The following PARVB variants were observed in gnomAD, a reference collection of about 807,000 sequenced individuals.
PARVB encodes beta-parvin.
In PARVB, 46 loss-of-function variants were observed where a neutral mutation model predicts 47.0. The ratio of observed to expected loss-of-function variants is 0.98; its 90% CI spans 0.77 to 1.25. PARVB has a LOEUF of 1.25. Among genes scored for constraint, PARVB ranks in the 50% most tolerant of loss-of-function variants. The pLI, the probability that PARVB is intolerant of heterozygous loss-of-function variation, is 0.00. For synonymous variants in PARVB, 196 were observed against 196.3 expected (o/e 1.00, Z 0.01); for missense variants, 473 against 471.6 (o/e 1.00, Z -0.03).
intron 3 of PARVB, chr22:44,106,065 A>AGT (rs2052559743): frequency 6.6e-6 from 1 of 151,350 alleles, no homozygotes; most frequent in Admixed American, 6.6e-5. Flanking sequence ...CCTGACCTCA[A>AGT]GTGATCTGCC....
intron 3 of PARVB, 55 bp downstream of exon 3, chr22:44,100,178 G>C (rs1887451576): frequency 7.2e-7 from 1 of 1,389,012 alleles, no homozygotes; most frequent in Non-Finnish European, 1.0e-6. Flanking sequence ...ACTTGGCTTT[G>C]GGGTTCAGGG....
chr22:44,115,781 TAGTA>T (rs1368186974), intron 3 of PARVB: 13 of 55,540 alleles, frequency 2.3e-4, no homozygotes, highest in African/African-American at 1.0e-3. Context: ...GATACATTGT[TAGTA>T]ACTAAGGCCC....
At chr22:44,042,677 G>A (rs951492105) in intron 1 of PARVB, among the ~76,000 whole-genome samples, 2 of 152,206 alleles carry the variant, frequency 1.3e-5, no homozygotes, top group African/African-American at 4.8e-5. Context: ...TTGAAATTTT[G>A]TTGGAGCAGC....
At chr22:44,157,576 G>T (rs1275524664) in intron 10 of PARVB, among the ~76,000 whole-genome samples, 3 of 152,102 alleles carry the variant, frequency 2.0e-5, no homozygotes, top group African/African-American at 7.2e-5. Context: ...GGGATGGATT[G>T]CTTTACTTTA....
chr22:44,058,794 A>G (rs1359907049), intron 1 of PARVB, among the ~76,000 whole-genome samples: 1 of 151,958 alleles, frequency 6.6e-6, no homozygotes, highest in Non-Finnish European at 1.5e-5. Context: ...AGCTCAGGCA[A>G]TCCACCTGCC....
intron 8 of PARVB, chr22:44,147,555 G>C: frequency 2.1e-6 from 1 of 486,036 alleles, no homozygotes; most frequent in South Asian, 1.8e-5. Context: ...GACGTGGCAG[G>C]TGCAGATGCC....
intron 6 of PARVB, among the ~76,000 whole-genome samples, chr22:44,135,755 C>T (rs1018874264): frequency 1.3e-5 from 2 of 152,218 alleles, no homozygotes; most frequent in East Asian, 1.9e-4. Flanking sequence ...GTCTCCTCCT[C>T]TAGGGGAGGG....
intron 2 of PARVB, among the ~76,000 whole-genome samples, chr22:44,010,115 T>C (rs1214837314): frequency 6.6e-6 from 1 of 152,112 alleles, no homozygotes; most frequent in East Asian, 1.9e-4. Context: ...CCCATATGAA[T>C]CTTTAAAATT....
At chr22:44,020,060 G>C (rs1359728918), upstream of PARVB, among the ~76,000 whole-genome samples, 1 of 152,138 alleles carries the variant, frequency 6.6e-6, no homozygotes, top group Non-Finnish European at 1.5e-5. Context: ...TCGGCACTCA[G>C]TTCTGCAGCG....
chr22:44,085,993 A>G (rs2052015209), intron 1 of PARVB, among the ~76,000 whole-genome samples: 1 of 152,132 alleles, frequency 6.6e-6, no homozygotes, highest in Non-Finnish European at 1.5e-5. Context: ...AACTTATTTC[A>G]TCTTGAGAAA....
At chr22:44,097,454 G>A (rs1034159101) in intron 2 of PARVB, among the ~76,000 whole-genome samples, 2 of 152,216 alleles carry the variant, frequency 1.3e-5, no homozygotes, top group East Asian at 1.9e-4. Flanking sequence ...CATGTCCAGG[G>A]TCCCCGGTCA....
At chr22:44,022,456 G>A (rs1313787236), upstream of PARVB, among the ~76,000 whole-genome samples, 1 of 152,104 alleles carries the variant, frequency 6.6e-6, no homozygotes, top group African/African-American at 2.4e-5. Flanking sequence ...ACTGTGTCCT[G>A]TGCCCACGTT....
At chr22:44,065,476 T>C (rs954042118) in intron 1 of PARVB, among the ~76,000 whole-genome samples, 2 of 152,134 alleles carry the variant, frequency 1.3e-5, no homozygotes, top group Non-Finnish European at 2.9e-5. Flanking sequence ...TTCTTATTTC[T>C]TTATTGTTTA....
At chr22:44,035,368 CTTTTTTTTTT>C (rs57745730) in intron 1 of PARVB, among the ~76,000 whole-genome samples, 3 of 118,040 alleles carry the variant, frequency 2.5e-5, no homozygotes, top group Admixed American at 9.2e-5. Flanking sequence ...TTTCTTTTTC[CTTTTTTTTTT>C]TTTTTTTTTT....
At chr22:44,052,443 C>T (rs753575236) in intron 1 of PARVB, among the ~76,000 whole-genome samples, 21 of 152,166 alleles carry the variant, frequency 1.4e-4, no homozygotes, top group Non-Finnish European at 2.8e-4. Context: ...TGCTAACTTC[C>T]CACCCCTTGA....
intron 3 of PARVB, chr22:44,112,590 A>C (rs1569123707): frequency 6.6e-6 from 1 of 152,628 alleles, no homozygotes; most frequent in Non-Finnish European, 1.5e-5. Flanking sequence ...CCCAGGGTGG[A>C]GTGCAGTGGT....
chr22:44,034,194 A>G, intron 1 of PARVB, among the ~76,000 whole-genome samples: 1 of 148,940 alleles, frequency 6.7e-6, no homozygotes, highest in East Asian at 1.9e-4. Flanking sequence ...AACAGCAATT[A>G]TAATTATAAT....
intron 8 of PARVB, chr22:44,141,811 T>A (rs2053557195): frequency 6.6e-6 from 1 of 152,564 alleles, no homozygotes; most frequent in Non-Finnish European, 1.5e-5. Flanking sequence ...TTTGTTTGTT[T>A]GTTTGTTTTT....
At chr22:44,143,647 G>A (rs1307926838) in intron 8 of PARVB, 1 of 152,320 alleles carries the variant, frequency 6.6e-6, no homozygotes, top group African/African-American at 2.4e-5. Context: ...GGGGAGGGAG[G>A]TGGCTCCACA....
Sources: gnomAD v4.1 joint callset for allele counts (sites outside exome capture counted in the v4.1 genomes callset) on GRCh38, gnomAD v4.1.1 for gene constraint, MANE v1.5 for transcripts, NCBI Gene and HGNC (gene_info 2026-07-23, HGNC 2026-07-21) for gene names.